LDLRAD4: variants seen among roughly 807,000 people sequenced by gnomAD.
LDLRAD4 encodes low-density lipoprotein receptor class A domain-containing protein 4.
Under a neutral mutation model 17.0 loss-of-function variants are expected in LDLRAD4, and 5 were observed. That is an observed-to-expected ratio of 0.29 (90% confidence interval 0.15 to 0.62). LDLRAD4 has a LOEUF of 0.62. Among genes scored for constraint, LDLRAD4 ranks in the 20% least tolerant of loss-of-function variants. LDLRAD4 has a pLI of 0.84. For synonymous variants in LDLRAD4, 168 were observed against 171.8 expected (o/e 0.98, Z 0.17); for missense variants, 340 against 424.7 (o/e 0.80, Z 1.75).
At chr18:13,407,468 A>G (rs1039018099) in intron 2 of LDLRAD4, among the ~76,000 whole-genome samples, 6 of 152,236 alleles carry the variant, frequency 3.9e-5, no homozygotes, top group African/African-American at 9.6e-5. Context: ...TTGTGCCTCA[A>G]GTCACTTACA....
intron 1 of LDLRAD4, among the ~76,000 whole-genome samples, chr18:13,381,996 G>A (rs979563993): frequency 1.3e-5 from 2 of 152,210 alleles, no homozygotes; most frequent in Admixed American, 6.5e-5. Flanking sequence ...GCCAGGGATC[G>A]GCATCCACAG....
At chr18:13,369,966 G>T (rs966594342) in intron 1 of LDLRAD4, among the ~76,000 whole-genome samples, 19 of 152,182 alleles carry the variant, frequency 1.2e-4, no homozygotes, top group African/African-American at 4.6e-4. Flanking sequence ...AACTGTGGGG[G>T]ATTCTGGGAG....
At chr18:13,289,043 A>G (rs1056470646) in intron 1 of LDLRAD4, among the ~76,000 whole-genome samples, 1 of 152,346 alleles carries the variant, frequency 6.6e-6, no homozygotes, top group East Asian at 1.9e-4. Context: ...GGGGACTTTT[A>G]GAAACACCAG....
intron 3 of LDLRAD4, chr18:13,464,945 G>A (rs913319201): frequency 9.2e-5 from 14 of 152,296 alleles, no homozygotes; most frequent in African/African-American, 3.4e-4. Context: ...ACAAGGAAGT[G>A]CAGGTTTCCT....
chr18:13,459,159 CAAAAAAAAAAAAAAAAAAA>C (rs534798084), intron 3 of LDLRAD4, among the ~76,000 whole-genome samples: 5 of 53,730 alleles, frequency 9.3e-5, no homozygotes, highest in Non-Finnish European at 1.4e-4. Context: ...ATCTCTACAC[CAAAAAAAAAAAAAAAAAAA>C]AAAAAAAAAA....
intron 1 of LDLRAD4, chr18:13,242,054 G>T (rs1352761957): frequency 1.3e-5 from 2 of 152,232 alleles, no homozygotes; most frequent in Non-Finnish European, 2.9e-5. Flanking sequence ...ACCCTCCAGG[G>T]TGATGTGAAG....
chr18:13,224,770 G>A (rs1467364489), intron 1 of LDLRAD4, among the ~76,000 whole-genome samples: 1 of 151,342 alleles, frequency 6.6e-6, no homozygotes, highest in African/African-American at 2.4e-5. Context: ...ATGAGCCACT[G>A]CATCTGGCCT....
At chr18:13,445,307 G>A (rs921228497) in intron 3 of LDLRAD4, among the ~76,000 whole-genome samples, 1 of 152,282 alleles carries the variant, frequency 6.6e-6, no homozygotes, top group Admixed American at 6.5e-5. Context: ...TGTGGTATTT[G>A]TGCACAAGTA....
intron 1 of LDLRAD4, among the ~76,000 whole-genome samples, chr18:13,346,924 G>A (rs2082726417): frequency 6.6e-6 from 1 of 152,088 alleles, no homozygotes; most frequent in African/African-American, 2.4e-5. Flanking sequence ...CATTTGCTTG[G>A]TAGATCTTCC....
intron 1 of LDLRAD4, among the ~76,000 whole-genome samples, chr18:13,235,785 G>T (rs1008249855): frequency 6.6e-6 from 1 of 152,170 alleles, no homozygotes; most frequent in Admixed American, 6.5e-5. Flanking sequence ...ATCCAGCCCT[G>T]GGGTGGGTTG....
exon 3 of LDLRAD4, chr18:13,438,287 T>C: frequency 6.2e-7 from 1 of 1,613,934 alleles, no homozygotes; most frequent in East Asian, 2.2e-5. Flanking sequence ...TGTATCTTGG[T>C]TCGCTGGTCT....
At chr18:13,606,603 C>T (rs1000866339) in intron 3 of LDLRAD4, among the ~76,000 whole-genome samples, 1 of 152,160 alleles carries the variant, frequency 6.6e-6, no homozygotes, top group South Asian at 2.1e-4. Flanking sequence ...TCCAAGGATA[C>T]GCTAGAAGAT....
chr18:13,578,888 G>A (rs56359521), intron 3 of LDLRAD4, among the ~76,000 whole-genome samples: 1 of 118,276 alleles, frequency 8.5e-6, no homozygotes, highest in Non-Finnish European at 1.6e-5. Context: ...AAATCGCTGA[G>A]TTAATAATAT....
At chr18:13,480,953 A>G (rs1211160824) in intron 3 of LDLRAD4, among the ~76,000 whole-genome samples, 2 of 152,202 alleles carry the variant, frequency 1.3e-5, no homozygotes, top group African/African-American at 4.8e-5. Context: ...TAAGAAACAT[A>G]TAACATTGAC....
At chr18:13,642,127 C>G in intron 4 of LDLRAD4, 1 of 985,560 alleles carries the variant, frequency 1.0e-6, no homozygotes, top group South Asian at 4.7e-5. Context: ...GCTGGACCGC[C>G]GTATACGTTT....
At chr18:13,438,447 G>T in intron 3 of LDLRAD4, 63 bp downstream of exon 4, 1 of 1,346,664 alleles carries the variant, frequency 7.4e-7, no homozygotes, top group Non-Finnish European at 1.1e-6. Context: ...TTAGGAGGTG[G>T]GGTCACTGGG....
At position 13,394,919 on chromosome 18, in the gene LDLRAD4, C is replaced by T. The variant is rs145846054; in HGVS notation, c.40+7157C>T. On this transcript the variant is annotated intron_variant, in intron 2 of 5. Coordinates refer to ENST00000359446, the Ensembl canonical transcript of LDLRAD4. ...CAGAAAGCAGGTGACTGCTTCCATA[C>T]GTGGCCTCTTGTAGTTTCTTGGGTC... Among the ~76,000 whole-genome samples, 12 of 152,326 alleles carry T rather than the reference C, an allele frequency of 7.9e-5. No homozygotes were observed. In the East Asian group the frequency reaches 1.3e-3, roughly 17 times the overall value.
At chr18:13,556,482 G>A (rs948948282) in intron 3 of LDLRAD4, among the ~76,000 whole-genome samples, 5 of 152,192 alleles carry the variant, frequency 3.3e-5, no homozygotes, top group African/African-American at 9.7e-5. Flanking sequence ...GTGAGGCTTG[G>A]TGCTTGGCTA....
chr18:13,547,581 G>A (rs936310660), intron 3 of LDLRAD4, among the ~76,000 whole-genome samples: 2 of 152,202 alleles, frequency 1.3e-5, no homozygotes, highest in African/African-American at 4.8e-5. Context: ...GGCGAGGGGT[G>A]CATGAGTGAG....
Sources: allele counts gnomAD v4.1 joint callset (sites outside exome capture counted in the v4.1 genomes callset), GRCh38; gene constraint gnomAD v4.1.1; transcripts MANE v1.5; gene names NCBI Gene and HGNC (gene_info 2026-07-23, HGNC 2026-07-21).